DENND2B: variants seen among roughly 807,000 people sequenced by gnomAD.
DENND2B encodes DENN domain containing 2B.
In DENND2B, 32 loss-of-function variants were observed where a neutral mutation model predicts 116.0. That is an observed-to-expected ratio of 0.28 (90% CI 0.21 to 0.37). DENND2B has a LOEUF of 0.37. Among genes scored for constraint, DENND2B ranks in the 10% least tolerant of loss-of-function variants. The probability of loss-of-function intolerance (pLI) is 1.00; values close to 1 mark genes in which losing one functional copy is unlikely to be tolerated. For synonymous variants in DENND2B, 588 were observed against 583.9 expected, an observed-to-expected ratio of 1.01 and a Z score of -0.10; for missense variants, 1,276 against 1,477.7, an observed-to-expected ratio of 0.86 and a Z score of 2.24.
rs751437627 is a variant in DENND2B, at chr11:8,712,011, C to T, written c.2172+540G>A. 4.2e-5 allele frequency: 19 copies of T among 455,552 alleles called. No homozygotes were observed. Among genetic ancestry groups the T allele is most frequent in the African/African-American group, 3.0e-4 (15 of 49,978 alleles). The allele number at this position is 455,552 out of a possible 1,614,324, so 28.2% of individuals were successfully genotyped here. A position where few individuals can be genotyped will look rare whatever the true frequency, so the allele number is the denominator to read the frequency against. On this transcript the variant is annotated intron_variant, in intron 9 of 19. Transcript: ENST00000313726. The surrounding 1 kb of genome is among the most constrained non-coding windows in gnomAD (Gnocchi z 4.4). ...AGAAATGAGAAGGAGCCAGCAGCCA[C>T]GTGAAGAGCTGGAGAAAGCACATTC...
intron 1 of DENND2B, among the ~76,000 whole-genome samples, chr11:8,758,214 C>T (rs2053941152): frequency 6.6e-6 from 1 of 152,146 alleles, no homozygotes; most frequent in African/African-American, 2.4e-5. Context: ...CACGACTCAC[C>T]ATCTTCCCAA....
chr11:8,805,374 C>G (rs888854376), intron 1 of DENND2B, among the ~76,000 whole-genome samples: 6 of 152,198 alleles, frequency 3.9e-5, no homozygotes, highest in Non-Finnish European at 7.3e-5. Flanking sequence ...CATAAGGTAG[C>G]CTGTGTTCCA....
intron 1 of DENND2B, among the ~76,000 whole-genome samples, chr11:8,892,679 C>T (rs2134745822): frequency 6.6e-6 from 1 of 152,324 alleles, no homozygotes; most frequent in Admixed American, 6.5e-5. Flanking sequence ...CACATACACC[C>T]TCCCAAGACT....
Position 8,908,564 on chromosome 11 carries a change from C to T in DENND2B, c.-256+2257G>A, listed in dbSNP as rs574786257. Reference sequence around the variant, plus strand: ...GAAATCCATAAAAAATAAAGAGGACCAAATTCTGTCCCACTCCAACCACAC... The same window carrying T: ...GAAATCCATAAAAAATAAAGAGGACTAAATTCTGTCCCACTCCAACCACAC... On this transcript the variant is annotated intron_variant, in intron 1 of 22. Transcript: ENST00000534127. 2.6e-5 allele frequency among the ~76,000 whole-genome samples: 4 copies of T among 152,260 alleles called. No individual in the cohort carries two copies. The South Asian group carries it at 8.3e-4, about 32-fold the overall frequency.
rs554245687 is a variant in DENND2B, at chr11:8,835,497, G to A, written c.-115+3813C>T. ...TTATCCCACAGGCAAAAAGGAAAGG[G>A]GATAAGGAGGGTTTTTTGGGAGGCA... On this transcript the variant is annotated intron_variant, in intron 4 of 6. Transcript: ENST00000524757. 9 of 152,292 alleles carry A rather than the reference G, an allele frequency of 5.9e-5. No individual in the cohort carries two copies. The East Asian group carries it at 9.6e-4, about 16-fold the overall frequency. The allele number at this position is 152,292 out of a possible 1,614,324, so 9.4% of individuals were successfully genotyped here.
intron 9 of DENND2B, among the ~76,000 whole-genome samples, chr11:8,711,559 G>A (rs1445311924): frequency 6.6e-6 from 1 of 151,838 alleles, no homozygotes; most frequent in Non-Finnish European, 1.5e-5. Context: ...TCTCAGAGCG[G>A]GGCTTAAAAA....
intron 1 of DENND2B, chr11:8,773,996 A>C (rs2057294916): frequency 2.0e-6 from 1 of 507,880 alleles, no homozygotes; most frequent in Non-Finnish European, 2.5e-6. Context: ...ACCAGCTATG[A>C]AGCTTTGGAT....
At chr11:8,904,138 G>A (rs2134765418) in intron 1 of DENND2B, among the ~76,000 whole-genome samples, 1 of 152,010 alleles carries the variant, frequency 6.6e-6, no homozygotes, top group East Asian at 1.9e-4. Context: ...AAGAAAACTA[G>A]AGATCAATAT....
intron 4 of DENND2B, among the ~76,000 whole-genome samples, chr11:8,836,769 C>T (rs1336694822): frequency 6.6e-6 from 1 of 152,150 alleles, no homozygotes; most frequent in East Asian, 1.9e-4. Context: ...GGCTGGAGTG[C>T]AGTGGCACGA....
upstream of DENND2B, among the ~76,000 whole-genome samples, chr11:8,875,345 T>C (rs941845352): frequency 6.6e-6 from 1 of 150,968 alleles, no homozygotes; most frequent in African/African-American, 2.4e-5. Context: ...AAAAAACTAC[T>C]AAATTTTCTA....
At chr11:8,856,527 C>A (rs2063198547) in intron 3 of DENND2B, among the ~76,000 whole-genome samples, 1 of 152,222 alleles carries the variant, frequency 6.6e-6, no homozygotes, top group South Asian at 2.1e-4. Flanking sequence ...ACAACTTATC[C>A]GTCCAAAGCA....
intron 1 of DENND2B, among the ~76,000 whole-genome samples, chr11:8,804,240 G>A (rs2060621013): frequency 6.6e-6 from 1 of 152,172 alleles, no homozygotes. Context: ...GTGTAGGCCA[G>A]GTCTGAAAGG....
At chr11:8,847,859 T>A (rs191235285) in intron 3 of DENND2B, among the ~76,000 whole-genome samples, 1 of 152,226 alleles carries the variant, frequency 6.6e-6, no homozygotes, top group Admixed American at 6.5e-5. Flanking sequence ...ATGCACAAGA[T>A]GACAAGCACA....
intron 3 of DENND2B, among the ~76,000 whole-genome samples, chr11:8,848,038 C>T (rs2062872430): frequency 6.6e-6 from 1 of 152,150 alleles, no homozygotes; most frequent in South Asian, 2.1e-4. Context: ...ACCACTATGA[C>T]ATTCTCATAT....
chr11:8,873,962 T>A (rs1341683661), upstream of DENND2B, among the ~76,000 whole-genome samples: 1 of 152,222 alleles, frequency 6.6e-6, no homozygotes, highest in African/African-American at 2.4e-5. Context: ...CAGAGACTGC[T>A]GAAAATAGGA....
At chr11:8,757,895 G>A (rs1362877717) in intron 1 of DENND2B, among the ~76,000 whole-genome samples, 1 of 152,156 alleles carries the variant, frequency 6.6e-6, no homozygotes, top group African/African-American at 2.4e-5. Context: ...TGATAATACA[G>A]TCTCCTTTTT....
intron 4 of DENND2B, among the ~76,000 whole-genome samples, chr11:8,721,851 G>T (rs1436437965): frequency 6.6e-6 from 1 of 152,234 alleles, no homozygotes; most frequent in African/African-American, 2.4e-5. Flanking sequence ...GACTGGCCCG[G>T]TCCCCGGCTT....
intron 2 of DENND2B, among the ~76,000 whole-genome samples, chr11:8,861,531 A>C (rs570298806): frequency 6.6e-6 from 1 of 152,370 alleles, no homozygotes; most frequent in South Asian, 2.1e-4. Flanking sequence ...GTCAAAAAAC[A>C]ATAGATCTTG....
chr11:8,727,165 G>GA (rs1246194546), intron 3 of DENND2B, among the ~76,000 whole-genome samples: 1 of 152,194 alleles, frequency 6.6e-6, no homozygotes, highest in Non-Finnish European at 1.5e-5. Context: ...GGGAAAGAAG[G>GA]AAAGGCACTG....
Sources: allele counts gnomAD v4.1 joint callset (sites outside exome capture counted in the v4.1 genomes callset), GRCh38; gene constraint gnomAD v4.1.1; non-coding constraint Gnocchi (gnomAD v3.1); transcripts MANE v1.5; gene names NCBI Gene and HGNC (gene_info 2026-07-23, HGNC 2026-07-21).